DNMT3A: variants seen among roughly 807,000 people sequenced by gnomAD.
DNMT3A encodes the protein DNA (cytosine-5)-methyltransferase 3A.
DNMT3A carries 267 observed loss-of-function variants against 117.6 expected under a neutral mutation model. That is an observed-to-expected ratio of 2.27 (90% CI 2.05 to 2.51). The LOEUF (loss-of-function observed/expected upper bound fraction) is 2.51, where lower values mean the gene tolerates loss of function less well. Among genes scored for constraint, DNMT3A ranks in the 30% most tolerant of loss-of-function variants. The pLI is 0.00. For synonymous variants in DNMT3A, 432 were observed against 474.8 expected (o/e 0.91, Z 1.17); for missense variants, 1,029 against 1,260.2 (o/e 0.82, Z 2.78).
chr2:25,295,916 G>A (rs1024333681), intron 3 of DNMT3A, among the ~76,000 whole-genome samples: 7 of 152,334 alleles, frequency 4.6e-5, no homozygotes, highest in South Asian at 2.1e-4. Flanking sequence ...ACAGCTCAGC[G>A]ACTATGCAAT....
upstream of DNMT3A, among the ~76,000 whole-genome samples, chr2:25,342,133 G>A (rs1421770249): frequency 1.4e-4 from 20 of 140,704 alleles, no homozygotes; most frequent in East Asian, 3.4e-3. The surrounding 1 kb of genome is among the most constrained non-coding windows in gnomAD (Gnocchi z 5.9). Flanking sequence ...CCCCGGCCCC[G>A]GCGCTGCGGA....
At chr2:25,287,013 A>G (rs2032359738) in intron 3 of DNMT3A, among the ~76,000 whole-genome samples, 1 of 152,242 alleles carries the variant, frequency 6.6e-6, no homozygotes, top group African/African-American at 2.4e-5. Flanking sequence ...TGCTCAGACA[A>G]TATTCACAAT....
Position 25,229,896 on chromosome 2 carries a change from T to A in DNMT3A, c.*4383A>T, listed in dbSNP as rs1192824796. 6.6e-6 allele frequency: 1 copy of A among 152,242 alleles called. No individual in the cohort carries two copies. Among genetic ancestry groups the A allele is most frequent in the Non-Finnish European group, 1.5e-5 (1 of 68,048 alleles). 9.4% of individuals were successfully genotyped at this position (152,242 alleles called of 1,614,324 possible). On this transcript the variant is annotated 3_prime_UTR_variant, in exon 23 of 23. Transcript: ENST00000321117. ...TTCTACTGCTGGAGAAGGTGGGTGT[T>A]CCCATCTAGGCTTCCCCAGAGTCGC...
In DNMT3A at chr2:25,233,108, C is replaced by T. The variant is rs948849301; in HGVS notation, c.*1171G>A. ...AGTGAGAAACTGGGCCTGAAGACTC[C>T]GTACCCTCTGCCATCTTGCCGAGGG... On this transcript the variant is annotated 3_prime_UTR_variant, in exon 23 of 23. Coordinates refer to ENST00000321117, the MANE Select transcript of DNMT3A (RefSeq NM_022552.5). 3 of 233,690 alleles carry T rather than the reference C, an allele frequency of 1.3e-5. No homozygotes were observed. The highest frequency in any genetic ancestry group is 2.2e-5 in the African/African-American group (1 of 45,322). 14.5% of individuals were successfully genotyped at this position (233,690 alleles called of 1,614,324 possible).
intron 16 of DNMT3A, chr2:25,241,947 AC>A: frequency 1.9e-6 from 1 of 536,188 alleles, no homozygotes; most frequent in Non-Finnish European, 3.2e-6. Context: ...GCTGCAGAAA[AC>A]TGACCGGAGA....
rs950832016 is a variant in DNMT3A, at chr2:25,264,180, C to A, written c.639+10761G>T. Among the ~76,000 whole-genome samples, 20 of 125,986 alleles carry A rather than the reference C, an allele frequency of 1.6e-4. No homozygotes were observed. The South Asian group carries it at 2.2e-3, about 14-fold the overall frequency. 82.7% of individuals were successfully genotyped at this position (125,986 alleles called of 152,430 possible). A position where few individuals can be genotyped will look rare whatever the true frequency, so the allele number is the denominator to read the frequency against. On this transcript the variant is annotated intron_variant, in intron 6 of 22. Transcript: ENST00000321117. ...TTTGAGACAAGGTCTCGCTCTGTCG[C>A]CCAGGCTGGAGTGCAGTGGCGCAAT...
Position 25,303,010 on chromosome 2 carries a change from T to G in DNMT3A, c.73-2767A>C, listed in dbSNP as rs115122289. On this transcript the variant is annotated intron_variant, in intron 2 of 22. Coordinates refer to ENST00000321117, the MANE Select transcript of DNMT3A (RefSeq NM_022552.5). ...TGTCCATCCTGTCTGCTTCTCAGGT[T>G]TTGAGAAGACAGCTTCACAAAGGGT... is the stretch of plus-strand genomic sequence containing the variant. Among the ~76,000 whole-genome samples the G allele has an allele frequency of 7.5e-3, 1,147 of 152,236 alleles. 4 individuals carry two copies. The highest frequency in any genetic ancestry group is 0.012 in the Non-Finnish European group (842 of 67,998).
chr2:25,230,866 G>A lies in DNMT3A; in HGVS notation c.*3413C>T, dbSNP rs911081681. On this transcript the variant is annotated 3_prime_UTR_variant, in exon 23 of 23. Coordinates refer to ENST00000321117, the MANE Select transcript of DNMT3A (RefSeq NM_022552.5). The stretch of plus-strand genomic sequence containing the variant: ...GCCTGGTCAAGTGGCTAGATCTGGA[G>A]GAACAAGTGCTCTCAAGCTGTCAGC... 25 of 150,868 alleles carry A rather than the reference G, an allele frequency of 1.7e-4. No homozygotes were observed. Among genetic ancestry groups the A allele is most frequent in the African/African-American group, 5.4e-4 (22 of 40,786 alleles). The allele number at this position is 150,868 out of a possible 1,614,324, so 9.3% of individuals were successfully genotyped here. A position where few individuals can be genotyped will look rare whatever the true frequency, so the allele number is the denominator to read the frequency against.
rs1002454299 is a variant in DNMT3A, at chr2:25,281,272, G to C, written c.448+1169C>G. On this transcript the variant is annotated intron_variant, in intron 4 of 22. Coordinates refer to ENST00000321117, the MANE Select transcript of DNMT3A (RefSeq NM_022552.5). This position sits in a 1 kb window ranked among gnomAD's most constrained non-coding sequence, Gnocchi z 4.8. ...CTTAAGGTTGGGGCTCCATGAGCAAGTCACATCATTGTTTTAAGCCTCAAT... is the reference window on the plus strand; with the variant it reads ...CTTAAGGTTGGGGCTCCATGAGCAACTCACATCATTGTTTTAAGCCTCAAT... Among the ~76,000 whole-genome samples the C allele has an allele frequency of 6.6e-6, 1 of 152,208 alleles. No homozygotes were observed. Among genetic ancestry groups the C allele is most frequent in the Non-Finnish European group, 1.5e-5 (1 of 68,046 alleles).
chr2:25,248,619 C>T (rs1675154231), intron 6 of DNMT3A, among the ~76,000 whole-genome samples: 5 of 152,074 alleles, frequency 3.3e-5, no homozygotes, highest in Admixed American at 3.3e-4. Context: ...GCAATCTCGG[C>T]TCACTGCAAC....
At chr2:25,297,078 C>T (rs1363309207) in intron 3 of DNMT3A, among the ~76,000 whole-genome samples, 1 of 152,180 alleles carries the variant, frequency 6.6e-6, no homozygotes, top group Non-Finnish European at 1.5e-5. Context: ...CTCTCCTGTG[C>T]TCCTGCATGG....
At position 25,339,039 on chromosome 2, in the gene DNMT3A, T is replaced by C. The variant is rs981970107; in HGVS notation, c.-178+2787A>G. On this transcript the variant is annotated intron_variant, in intron 1 of 22. Coordinates refer to ENST00000321117, the MANE Select transcript of DNMT3A (RefSeq NM_022552.5). This position sits in a 1 kb window ranked among gnomAD's most constrained non-coding sequence, Gnocchi z 4.9. The stretch of plus-strand genomic sequence containing the variant: ...AGTCGGACGTGACCAACCCGTCTCT[T>C]GCAGGGACCCTCCTCACACTGCCTC... Among the ~76,000 whole-genome samples the C allele has an allele frequency of 6.6e-5, 10 of 152,048 alleles. No homozygotes were observed. Among genetic ancestry groups the C allele is most frequent in the African/African-American group, 2.4e-4 (10 of 41,386 alleles).
chr2:25,296,792 G>A lies in DNMT3A; in HGVS notation c.177+3347C>T, dbSNP rs1309659676. ...CAGACAGTCCTTGGGGGCAAAAGGA[G>A]GAGAGAGCCCAGGATTTCTTGGGCT... On this transcript the variant is annotated intron_variant, in intron 3 of 22. Transcript: ENST00000321117. The surrounding 1 kb of genome is among the most constrained non-coding windows in gnomAD (Gnocchi z 4.2). Among the ~76,000 whole-genome samples, 1 of 152,346 alleles carries A rather than the reference G, an allele frequency of 6.6e-6. No homozygotes were observed. Among genetic ancestry groups the A allele is most frequent in the African/African-American group, 2.4e-5 (1 of 41,578 alleles).
chr2:25,302,210 G>A (rs2033559628), intron 2 of DNMT3A, among the ~76,000 whole-genome samples: 1 of 152,076 alleles, frequency 6.6e-6, no homozygotes, highest in Admixed American at 6.5e-5. Context: ...GAGAATGCTC[G>A]GAGGTGCAGA....
chr2:25,243,122 C>T (rs989267892), intron 16 of DNMT3A, among the ~76,000 whole-genome samples: 9 of 151,952 alleles, frequency 5.9e-5, no homozygotes, highest in Non-Finnish European at 8.8e-5. Context: ...CTGGCCAACA[C>T]GGTGAAACAC....
At chr2:25,235,910 C>T in intron 21 of DNMT3A, 85 bp from the exon 22 acceptor site, 3 of 1,263,384 alleles carry the variant, frequency 2.4e-6, no homozygotes, top group East Asian at 2.3e-5. Context: ...ATGCCAGGTA[C>T]TCGCCAAACC....
rs139053291 is a variant in DNMT3A, at chr2:25,247,118, C to T, written c.1055G>A (p.Ser352Asn). 6.8e-5 allele frequency: 109 copies of T among 1,614,124 alleles called. No homozygotes were observed. The highest frequency in any genetic ancestry group is 8.1e-5 in the Non-Finnish European group (96 of 1,179,994). ...GTTGTACGTGGCCTGGTGGAACGCA[C>T]TGCAAAACGAGCTCAGCGGCATCAG... ...EKLMPLSSFC[S>N]AFHQATYNKQ... Residue 352 changes from serine (S) to asparagine (N), a missense_variant, in exon 9 of 23, where the codon AGT (serine) becomes AAT (asparagine). Transcript: ENST00000321117. The surrounding 1 kb of genome is among the most constrained non-coding windows in gnomAD (Gnocchi z 5.6).
chr2:25,250,150 A>G (rs569909318), intron 6 of DNMT3A, among the ~76,000 whole-genome samples: 133 of 152,314 alleles, frequency 8.7e-4, no homozygotes, highest in African/African-American at 3.1e-3. Context: ...AATGATTCCC[A>G]GGACTCTCCC....
chr2:25,301,389 C>A (rs1376091682), intron 2 of DNMT3A, among the ~76,000 whole-genome samples: 1 of 152,126 alleles, frequency 6.6e-6, no homozygotes, highest in South Asian at 2.1e-4. Flanking sequence ...CTGTGAACAC[C>A]CCTGCCATGT....
Sources: allele counts gnomAD v4.1 joint callset (sites outside exome capture counted in the v4.1 genomes callset), GRCh38; gene constraint gnomAD v4.1.1; non-coding constraint Gnocchi (gnomAD v3.1); transcripts MANE v1.5; gene names NCBI Gene and HGNC (gene_info 2026-07-23, HGNC 2026-07-21).